WWOX: variants seen among roughly 807,000 people sequenced by gnomAD.
WWOX encodes the protein WW domain-containing oxidoreductase.
WWOX carries 69 observed loss-of-function variants against 46.2 expected under a neutral mutation model. The observed-to-expected ratio is 1.49, with a 90% CI of 1.23 to 1.82. The LOEUF (loss-of-function observed/expected upper bound fraction) is 1.82. Among genes scored for constraint, WWOX ranks in the 40% most tolerant of loss-of-function variants. WWOX has a pLI of 0.00. For missense variants in WWOX, 919 were observed against 542.6 expected, an observed-to-expected ratio of 1.69 and a Z score of -6.89; for synonymous variants, 359 against 202.6, an observed-to-expected ratio of 1.77 and a Z score of -6.56.
rs1180772084 is a variant in WWOX, at chr16:78,306,820, C to T, written c.517-80040C>T. On this transcript the variant is annotated intron_variant, in intron 5 of 8. Coordinates refer to ENST00000566780, the MANE Select transcript of WWOX (RefSeq NM_016373.4). The stretch of plus-strand genomic sequence containing the variant: ...CTGAGTCCCATTCCTTCCCACAATT[C>T]CCTGTAAATCTCACTCCTTCCCACA... 2.0e-5 allele frequency among the ~76,000 whole-genome samples: 3 copies of T among 152,136 alleles called. No individual in the cohort carries two copies. In the South Asian group the frequency reaches 6.2e-4, roughly 32 times the overall value.
chr16:78,733,617 T>C (rs1256039678), intron 8 of WWOX, among the ~76,000 whole-genome samples: 7 of 149,088 alleles, frequency 4.7e-5, no homozygotes, highest in Non-Finnish European at 8.9e-5. Flanking sequence ...TAGCCGGGTA[T>C]GGTGGTGTGT....
At chr16:78,500,611 A>G (rs1226689828) in intron 8 of WWOX, among the ~76,000 whole-genome samples, 1 of 152,184 alleles carries the variant, frequency 6.6e-6, no homozygotes, top group Non-Finnish European at 1.5e-5. Context: ...TAGGGTAGGT[A>G]GATGACTCAT....
At chr16:79,171,201 G>A (rs2150768500) in intron 8 of WWOX, among the ~76,000 whole-genome samples, 1 of 152,248 alleles carries the variant, frequency 6.6e-6, no homozygotes, top group South Asian at 2.1e-4. Context: ...TTACAACATA[G>A]GGACACCCGG....
intron 8 of WWOX, among the ~76,000 whole-genome samples, chr16:78,470,566 G>C (rs568083066): frequency 3.1e-4 from 47 of 152,148 alleles, no homozygotes; most frequent in African/African-American, 1.1e-3. Context: ...ATCTTGCTCT[G>C]TCGCCCAGGC....
intron 8 of WWOX, among the ~76,000 whole-genome samples, chr16:78,914,340 C>G (rs1295196038): frequency 1.3e-5 from 2 of 152,020 alleles, no homozygotes; most frequent in Admixed American, 6.6e-5. Context: ...GTCTTCAGCA[C>G]TTAGAACAGT....
At position 78,124,844 on chromosome 16, in the gene WWOX, G is replaced by T. The variant is rs571440695; in HGVS notation, c.409+9690G>T. Among the ~76,000 whole-genome samples, 7 of 152,262 alleles carry T rather than the reference G, an allele frequency of 4.6e-5. No individual in the cohort carries two copies. The South Asian group carries it at 1.5e-3, about 32-fold the overall frequency. ...ATGGTGCTCTCTGAAAGCAAGACAA[G>T]GTTTCTTCACTAGACTCTAAGAGGA... On this transcript the variant is annotated intron_variant, in intron 4 of 8. Coordinates refer to ENST00000566780, the MANE Select transcript of WWOX (RefSeq NM_016373.4).
chr16:78,573,736 ACTTGCTTCCTGTC>A (rs1163429203), intron 8 of WWOX, among the ~76,000 whole-genome samples: 8 of 152,230 alleles, frequency 5.3e-5, no homozygotes, highest in African/African-American at 1.4e-4. Flanking sequence ...CATCAGGTTC[ACTTGCTTCCTGTC>A]CTTGCCACAC....
chr16:79,212,308 G>T lies in WWOX; in HGVS notation c.*512G>T. 2.2e-6 allele frequency: 2 copies of T among 910,916 alleles called. No homozygotes were observed. The highest frequency in any genetic ancestry group is 1.9e-5 in the South Asian group (1 of 51,866). The allele number at this position is 910,916 out of a possible 1,614,324, so 56.4% of individuals were successfully genotyped here. A position where few individuals can be genotyped will look rare whatever the true frequency, so the allele number is the denominator to read the frequency against. ...GAGCCAGCTTAGCAACTGCTGGGGAGACAAATCTCAGAACCTTGTCCCAGC... is the reference window on the plus strand; with the variant it reads ...GAGCCAGCTTAGCAACTGCTGGGGATACAAATCTCAGAACCTTGTCCCAGC... On this transcript the variant is annotated 3_prime_UTR_variant, in exon 9 of 9. Coordinates refer to ENST00000566780, the MANE Select transcript of WWOX (RefSeq NM_016373.4).
At chr16:78,875,334 G>C (rs1228270465) in intron 8 of WWOX, among the ~76,000 whole-genome samples, 1 of 151,922 alleles carries the variant, frequency 6.6e-6, no homozygotes, top group Non-Finnish European at 1.5e-5. Context: ...ATCTTGCTTT[G>C]TAAGCCTTCT....
At chr16:78,800,960 A>G (rs934854465) in intron 8 of WWOX, among the ~76,000 whole-genome samples, 1 of 143,400 alleles carries the variant, frequency 7.0e-6, no homozygotes, top group Non-Finnish European at 1.6e-5. Context: ...ACAGAAAAAA[A>G]AAGTGAGCAT....
chr16:78,777,718 A>G (rs2050225831), intron 8 of WWOX, among the ~76,000 whole-genome samples: 2 of 152,200 alleles, frequency 1.3e-5, no homozygotes, highest in Admixed American at 1.3e-4. Context: ...AGTACCTATT[A>G]TGTGCCAGAT....
chr16:79,026,660 TA>T (rs1459911450), intron 8 of WWOX, among the ~76,000 whole-genome samples: 9 of 132,164 alleles, frequency 6.8e-5, no homozygotes, highest in Non-Finnish European at 1.2e-4. Flanking sequence ...CTCTGTCGCC[TA>T]GGCTGCAGTG....
chr16:78,872,917 C>G (rs763946739), intron 8 of WWOX: 3 of 152,356 alleles, frequency 2.0e-5, no homozygotes, highest in Non-Finnish European at 2.9e-5. Context: ...CCCATGTTGA[C>G]CTCCTTTGTA....
At position 78,299,521 on chromosome 16, in the gene WWOX, C is replaced by CTT. The variant is rs997647456; in HGVS notation, c.517-87326_517-87325dup. On this transcript the variant is annotated intron_variant, in intron 5 of 8. Coordinates refer to ENST00000566780, the MANE Select transcript of WWOX (RefSeq NM_016373.4). ...CATTCCATTTCTTTTCTTTTCTTTT[C>CTT]TTTTTTTTTTTTTTGGAGACAGTGT... Among the ~76,000 whole-genome samples, 569 of 141,834 alleles carry CTT rather than the reference C, an allele frequency of 4.0e-3. 6 individuals are homozygous for CTT. Among genetic ancestry groups the CTT allele is most frequent in the African/African-American group, 0.014 (545 of 38,170 alleles). The allele number at this position is 141,834 out of a possible 152,430, so 93.0% of individuals were successfully genotyped here.
chr16:79,200,723 A>T (rs2051331077), intron 8 of WWOX, among the ~76,000 whole-genome samples: 1 of 151,622 alleles, frequency 6.6e-6, no homozygotes, highest in Non-Finnish European at 1.5e-5. Context: ...GACATGAAAA[A>T]CTCTGGATGA....
intron 8 of WWOX, among the ~76,000 whole-genome samples, chr16:79,059,803 G>T (rs1029663496): frequency 6.6e-6 from 1 of 152,320 alleles, no homozygotes; most frequent in Non-Finnish European, 1.5e-5. Context: ...CCTACCACGT[G>T]TGTCAGAGAC....
chr16:79,153,617 C>A (rs1413530448), intron 8 of WWOX, among the ~76,000 whole-genome samples: 18 of 152,110 alleles, frequency 1.2e-4, no homozygotes, highest in Non-Finnish European at 1.8e-4. Flanking sequence ...AATAAAGAAC[C>A]TCTAGATTTT....
At chr16:78,368,143 A>G (rs2081583817) in intron 5 of WWOX, among the ~76,000 whole-genome samples, 1 of 152,088 alleles carries the variant, frequency 6.6e-6, no homozygotes, top group Admixed American at 6.5e-5. Flanking sequence ...TAATTATGTC[A>G]ACTTTGTAAG....
chr16:78,222,904 G>T (rs2036937843), intron 5 of WWOX, among the ~76,000 whole-genome samples: 2 of 152,194 alleles, frequency 1.3e-5, no homozygotes, highest in East Asian at 3.9e-4. Flanking sequence ...GCTCTCAGAG[G>T]AGATGCAAAT....
Sources: allele counts gnomAD v4.1 joint callset (sites outside exome capture counted in the v4.1 genomes callset), GRCh38; gene constraint gnomAD v4.1.1; transcripts MANE v1.5; gene names NCBI Gene and HGNC (gene_info 2026-07-23, HGNC 2026-07-21).